The following UTP20 variants were observed in gnomAD, a reference collection of about 807,000 sequenced individuals.
UTP20 encodes small subunit processome component 20 homolog.
In UTP20, 164 loss-of-function variants were observed where a neutral mutation model predicts 329.5. The observed-to-expected ratio is 0.50, with a 90% CI of 0.44 to 0.57. The LOEUF (loss-of-function observed/expected upper bound fraction) is 0.57, where lower values mean the gene tolerates loss of function less well. Among genes scored for constraint, UTP20 ranks in the 20% least tolerant of loss-of-function variants. The pLI is 0.00. For synonymous variants in UTP20, 1,151 were observed against 1,159.3 expected (o/e 0.99, Z 0.14); for missense variants, 3,055 against 3,284.2 (o/e 0.93, Z 1.71).
intron 2 of UTP20, among the ~76,000 whole-genome samples, chr12:101,284,045 T>G (rs1490968532): frequency 1.7e-5 from 1 of 57,192 alleles, no homozygotes. Flanking sequence ...GTTTATTCTC[T>G]CTTTTTTCTC....
chr12:101,340,386 C>A, intron 31 of UTP20, 137 bp from the exon 32 acceptor site: 1 of 567,768 alleles, frequency 1.8e-6, no homozygotes, highest in Non-Finnish European at 3.1e-6. Flanking sequence ...TTTATACATG[C>A]ACACATACTT....
At chr12:101,301,034 A>G (rs1328235514) in intron 14 of UTP20, among the ~76,000 whole-genome samples, 1 of 152,200 alleles carries the variant, frequency 6.6e-6, no homozygotes, top group Non-Finnish European at 1.5e-5. Context: ...ATATATGTAT[A>G]TATACACACA....
intron 5 of UTP20, among the ~76,000 whole-genome samples, chr12:101,286,891 A>C (rs1318923979): frequency 3.9e-5 from 6 of 152,176 alleles, no homozygotes; most frequent in African/African-American, 1.4e-4. Flanking sequence ...ACCTGGTATA[A>C]GGGAGGTTTA....
intron 32 of UTP20, among the ~76,000 whole-genome samples, chr12:101,342,077 AC>A (rs1273250237): frequency 6.6e-6 from 1 of 152,122 alleles, no homozygotes; most frequent in African/African-American, 2.4e-5. Flanking sequence ...TATATAAGGG[AC>A]TTAAACATCC....
At position 101,306,019 on chromosome 12, in the gene UTP20, A is replaced by G; in HGVS notation, c.1886A>G (p.Glu629Gly). Residue 629 changes from glutamate to glycine, a missense_variant, in exon 16 of 62, where the codon GAA becomes GGA. Physicochemically the swap from Glu to Gly is moderately conservative, Grantham distance 98. Coordinates refer to ENST00000261637, the MANE Select transcript of UTP20 (RefSeq NM_014503.3). ...KGPLSQEALM[E>G]LFPKLQANIS... is the part of the protein sequence containing the mutation. Reference sequence around the variant, plus strand: ...CCACTTTCCCAGGAGGCTTTAATGGAATTATTTCCCAAGTTACAAGCAAAC... The same window carrying G: ...CCACTTTCCCAGGAGGCTTTAATGGGATTATTTCCCAAGTTACAAGCAAAC... The G allele has an allele frequency of 6.2e-7, 1 of 1,613,618 alleles. No homozygotes were observed. The highest frequency in any genetic ancestry group is 8.5e-7 in the Non-Finnish European group (1 of 1,179,774).
rs753684342 is a variant in UTP20 at position 101,367,842 on chromosome 12, C to T, written c.6268-18C>T. The stretch of plus-strand genomic sequence containing the variant: ...CTAATGGGCAACTAATGTGAAATAC[C>T]TGTTTGAACTCTCTTAGCTGCTGCA... On this transcript the variant is annotated intron_variant, in intron 47 of 61. Transcript: ENST00000261637. 2 of 1,551,310 alleles carry T rather than the reference C, an allele frequency of 1.3e-6. No individual in the cohort carries two copies. The highest frequency in any genetic ancestry group is 1.8e-6 in the Non-Finnish European group (2 of 1,123,934).
Position 101,329,337 on chromosome 12 carries a change from A to G in UTP20, c.3305A>G (p.Glu1102Gly), listed in dbSNP as rs1408172557. 6.2e-7 allele frequency: 1 copy of G among 1,614,042 alleles called. No individual in the cohort carries two copies. Among genetic ancestry groups the G allele is most frequent in the African/African-American group, 1.3e-5 (1 of 74,920 alleles). Reference sequence around the variant, plus strand: ...CAGCACGGTATCTTAAACAGCCTTGAGATAGTATTGAAAAACATTAGTCAT... The same window carrying G: ...CAGCACGGTATCTTAAACAGCCTTGGGATAGTATTGAAAAACATTAGTCAT... ...GRQHGILNSLEIVLKNISHLI... is the reference protein window; with the variant it reads ...GRQHGILNSLGIVLKNISHLI... The change falls in exon 27 of 62, where the codon GAG (glutamate) becomes GGG (glycine). Residue 1102 changes from glutamate (E) to glycine (G), a missense_variant. Physicochemically the swap from Glu to Gly is moderately conservative, Grantham distance 98. Around this residue, in one of 3 missense-constraint regions of UTP20, gnomAD observed 2,445 missense variants for 2,575.5 expected, o/e 0.95. Transcript: ENST00000261637.
intron 29 of UTP20, among the ~76,000 whole-genome samples, chr12:101,335,356 T>C (rs992550735): frequency 2.0e-5 from 3 of 152,212 alleles, no homozygotes; most frequent in African/African-American, 7.2e-5. Flanking sequence ...TCTTCCAATA[T>C]ATGTAATAAT....
Position 101,293,176 on chromosome 12 carries a change from G to C in UTP20, c.1182G>C (p.Glu394Asp), listed in dbSNP as rs1210294486. The C allele has an allele frequency of 9.3e-6, 15 of 1,614,076 alleles. No individual in the cohort carries two copies. Among genetic ancestry groups the C allele is most frequent in the Non-Finnish European group, 1.3e-5 (15 of 1,179,990 alleles). The change falls in exon 11 of 62, where the codon GAG becomes GAC. Residue 394 changes from glutamate to aspartate, a missense_variant. Around this residue, in one of 3 missense-constraint regions of UTP20, gnomAD observed 2,445 missense variants for 2,575.5 expected, o/e 0.95. Transcript: ENST00000261637. ...LIKETIEKIF[E>D]SRFEKRLIFS... is the part of the protein sequence containing the mutation. ...TTTTACCTTGGTCACAGATATTTGAGAGCAGATTTGAAAAACGTTTAATTT... is the reference window on the plus strand; with the variant it reads ...TTTTACCTTGGTCACAGATATTTGACAGCAGATTTGAAAAACGTTTAATTT...
rs566991432 is a variant in UTP20 at position 101,354,092 on chromosome 12, C to G, written c.5108-740C>G. Among the ~76,000 whole-genome samples the G allele has an allele frequency of 1.9e-3, 286 of 151,814 alleles. 1 individual carries two copies. Among genetic ancestry groups the G allele is most frequent in the Middle Eastern group, 6.8e-3 (2 of 292 alleles). ...CCTGGTCAACATAGCGAAACCCTGTCTCTACTAAATATACAAAAAATTAGC... is the reference window on the plus strand; with the variant it reads ...CCTGGTCAACATAGCGAAACCCTGTGTCTACTAAATATACAAAAAATTAGC... On this transcript the variant is annotated intron_variant, in intron 40 of 61. Transcript: ENST00000261637.
intron 7 of UTP20, 122 bp downstream of exon 7, chr12:101,290,396 T>C: frequency 8.2e-7 from 1 of 1,213,292 alleles, no homozygotes; most frequent in South Asian, 2.1e-5. Flanking sequence ...ATGAGGAGTG[T>C]TGGGTGTTCA....
rs1334606495 is a variant in UTP20 at position 101,363,126 on chromosome 12, C to G, written c.5791-450C>G. On this transcript the variant is annotated intron_variant, in intron 44 of 61. Transcript: ENST00000261637. Reference sequence around the variant, plus strand: ...CCAGCCTGGGTGCCAGAGTGGGACTCTGTATCAAAAAATAAGGTAATTAAT... The same window carrying G: ...CCAGCCTGGGTGCCAGAGTGGGACTGTGTATCAAAAAATAAGGTAATTAAT... Among the ~76,000 whole-genome samples the G allele has an allele frequency of 2.9e-5, 3 of 102,482 alleles. 1 individual carries two copies. Among genetic ancestry groups the G allele is most frequent in the East Asian group, 1.8e-3 (2 of 1,114 alleles). 67.2% of individuals were successfully genotyped at this position (102,482 alleles called of 152,430 possible).
chr12:101,295,430 C>T, intron 11 of UTP20, 50 bp from the exon 12 acceptor site: 1 of 1,462,950 alleles, frequency 6.8e-7, no homozygotes, highest in Non-Finnish European at 9.1e-7. Context: ...TTAGCATCTT[C>T]TCTTTATTAT....
chr12:101,361,133 T>G (rs1315650561), intron 43 of UTP20, among the ~76,000 whole-genome samples: 1 of 152,212 alleles, frequency 6.6e-6, no homozygotes, highest in African/African-American at 2.4e-5. Context: ...ATAGATTGGA[T>G]GAGTGAGGCT....
At chr12:101,315,469 G>C (rs1593429528) in intron 21 of UTP20, among the ~76,000 whole-genome samples, 1 of 151,716 alleles carries the variant, frequency 6.6e-6, no homozygotes, top group East Asian at 1.9e-4. Flanking sequence ...GGGTGACAGA[G>C]CGAGATTCCG....
intron 24 of UTP20, 151 bp downstream of exon 24, chr12:101,321,088 G>C (rs1057373186): frequency 1.5e-6 from 1 of 666,704 alleles, no homozygotes; most frequent in African/African-American, 1.8e-5. Context: ...ATGAAAACGA[G>C]TAGTATATTT....
intron 2 of UTP20, among the ~76,000 whole-genome samples, chr12:101,284,454 G>A (rs1452856663): frequency 6.6e-6 from 1 of 152,082 alleles, no homozygotes; most frequent in Non-Finnish European, 1.5e-5. Flanking sequence ...ATATTCCATG[G>A]TGTATATGTA....
chr12:101,294,588 G>A (rs1391560519), intron 11 of UTP20, among the ~76,000 whole-genome samples: 1 of 149,302 alleles, frequency 6.7e-6, no homozygotes, highest in Non-Finnish European at 1.5e-5. Flanking sequence ...TGTCACCCAG[G>A]CTGGAGTGTA....
chr12:101,386,169 C>A lies in UTP20; in HGVS notation c.*46C>A. 6.5e-7 allele frequency: 1 copy of A among 1,539,982 alleles called. No individual in the cohort carries two copies. Among genetic ancestry groups the A allele is most frequent in the Non-Finnish European group, 8.7e-7 (1 of 1,143,800 alleles). On this transcript the variant is annotated 3_prime_UTR_variant, in exon 62 of 62. Coordinates refer to ENST00000261637, the MANE Select transcript of UTP20 (RefSeq NM_014503.3). ...AGCATGAACTTTCTGGAATATTCTG[C>A]TAGTCTGAAATTACAGTAGGTTGTC...
Sources: gnomAD v4.1 joint callset for allele counts (sites outside exome capture counted in the v4.1 genomes callset) on GRCh38, gnomAD v4.1.1 for gene constraint, gnomAD v4.1.1 regional missense constraint, MANE v1.5 for transcripts, NCBI Gene and HGNC (gene_info 2026-07-23, HGNC 2026-07-21) for gene names.